Variants in ST3GAL4 observed in about 807,000 individuals in gnomAD.
ST3GAL4 encodes ST3 beta-galactoside alpha-2,3-sialyltransferase 4.
ST3GAL4 carries 24 observed loss-of-function variants against 42.6 expected under a neutral mutation model. That is an observed-to-expected ratio of 0.56 (90% CI 0.41 to 0.79). ST3GAL4 has a LOEUF of 0.79. Among genes scored for constraint, ST3GAL4 ranks in the 30% least tolerant of loss-of-function variants. ST3GAL4 has a pLI of 0.00. For missense variants in ST3GAL4, 311 were observed against 430.8 expected (o/e 0.72, Z 2.46); for synonymous variants, 135 against 163.2 (o/e 0.83, Z 1.32).
chr11:126,366,297 G>A lies in ST3GAL4; in HGVS notation c.-61+10455G>A, dbSNP rs1474935444. ...CAGCCCTGAGGAATGGAGGAAGAGA[G>A]TGCCCTGGCTGGGGGAGCCCCTCAA... On this transcript the variant is annotated intron_variant, in intron 1 of 10. Transcript: ENST00000444328. This position sits in a 1 kb window ranked among gnomAD's most constrained non-coding sequence, Gnocchi z 4.2. Among the ~76,000 whole-genome samples the A allele has an allele frequency of 6.6e-6, 1 of 152,176 alleles. No homozygotes were observed. The highest frequency in any genetic ancestry group is 1.5e-5 in the Non-Finnish European group (1 of 68,024).
At chr11:126,361,041 G>A (rs1041258229) in intron 1 of ST3GAL4, among the ~76,000 whole-genome samples, 1 of 152,184 alleles carries the variant, frequency 6.6e-6, no homozygotes, top group Admixed American at 6.5e-5. Flanking sequence ...CCTGAGGAGT[G>A]CATGCCCCAT....
In ST3GAL4 at chr11:126,366,199, G is replaced by C. The variant is rs560021007; in HGVS notation, c.-61+10357G>C. Reference sequence around the variant, plus strand: ...ACAAAGTCTATACGAGCCAGAGCTGGGGTGGGAGGAACCCAGTGGGCCTGG... The same window carrying C: ...ACAAAGTCTATACGAGCCAGAGCTGCGGTGGGAGGAACCCAGTGGGCCTGG... On this transcript the variant is annotated intron_variant, in intron 1 of 10. Transcript: ENST00000444328. This position sits in a 1 kb window ranked among gnomAD's most constrained non-coding sequence, Gnocchi z 4.2. 2.0e-5 allele frequency among the ~76,000 whole-genome samples: 3 copies of C among 152,214 alleles called. No individual in the cohort carries two copies. The highest frequency in any genetic ancestry group is 4.4e-5 in the Non-Finnish European group (3 of 68,044).
At chr11:126,374,343 T>C (rs947735777) in intron 1 of ST3GAL4, among the ~76,000 whole-genome samples, 1 of 151,178 alleles carries the variant, frequency 6.6e-6, no homozygotes, top group African/African-American at 2.4e-5. Flanking sequence ...TCCCAGCTAC[T>C]TGGGAGGCTG....
chr11:126,412,645 C>T (rs1954581626), intron 9 of ST3GAL4, among the ~76,000 whole-genome samples: 1 of 152,164 alleles, frequency 6.6e-6, no homozygotes. Flanking sequence ...AGTTCGAGAT[C>T]AGCCTGGGCA....
intron 1 of ST3GAL4, among the ~76,000 whole-genome samples, chr11:126,389,809 A>G (rs1953403592): frequency 1.3e-5 from 2 of 151,746 alleles, no homozygotes; most frequent in African/African-American, 4.8e-5. Flanking sequence ...CTGGTCTCAA[A>G]CTCTTGGGCT....
In ST3GAL4 at chr11:126,371,309, C is replaced by T. The variant is rs183150259; in HGVS notation, c.-61+15467C>T. On this transcript the variant is annotated intron_variant, in intron 1 of 10. Coordinates refer to ENST00000444328, the MANE Select transcript of ST3GAL4 (RefSeq NM_001254757.2). ...CCTCCTGAATAGCTGGGATTACAGA[C>T]GCACGCCATCACGCCTGTCTAATTT... 3.7e-3 allele frequency among the ~76,000 whole-genome samples: 560 copies of T among 151,732 alleles called. 6 individuals are homozygous for T. The highest frequency in any genetic ancestry group is 0.012 in the African/African-American group (507 of 41,368).
rs1440556136 is a variant in ST3GAL4, at chr11:126,361,529, A to G, written c.-61+5687A>G. Among the ~76,000 whole-genome samples, 3 of 151,966 alleles carry G rather than the reference A, an allele frequency of 2.0e-5. No individual in the cohort carries two copies. In the East Asian group the frequency reaches 5.8e-4, roughly 29 times the overall value. On this transcript the variant is annotated intron_variant, in intron 1 of 10. Transcript: ENST00000444328. ...TGGTAATGACCTTGCTAGACTGCAAATGTCCTTCAGTATCAACTGAAGCCC... is the reference window on the plus strand; with the variant it reads ...TGGTAATGACCTTGCTAGACTGCAAGTGTCCTTCAGTATCAACTGAAGCCC...
chr11:126,409,454 G>T lies in ST3GAL4; in HGVS notation c.771+43G>T, dbSNP rs1954420942. 2.5e-6 allele frequency: 4 copies of T among 1,613,338 alleles called. No homozygotes were observed. Among genetic ancestry groups the T allele is most frequent in the Non-Finnish European group, 3.4e-6 (4 of 1,179,430 alleles). ...GGCCTGAGGGCTAGGATCCTGGGCG[G>T]GAAGTAGGAGGGATGATCCTATGGG... On this transcript the variant is annotated intron_variant, in intron 9 of 10. Transcript: ENST00000444328. The surrounding 1 kb of genome is among the most constrained non-coding windows in gnomAD (Gnocchi z 4.9).
chr11:126,360,148 G>C (rs920064001), intron 1 of ST3GAL4, among the ~76,000 whole-genome samples: 4 of 152,236 alleles, frequency 2.6e-5, no homozygotes, highest in Non-Finnish European at 5.9e-5. Context: ...CTGTCTCTTA[G>C]AGGTTGCTCA....
intron 1 of ST3GAL4, among the ~76,000 whole-genome samples, chr11:126,404,652 T>C (rs995979814): frequency 2.6e-5 from 4 of 152,224 alleles, no homozygotes; most frequent in African/African-American, 9.6e-5. Flanking sequence ...TACCTTTAAC[T>C]GGGGACTCCT....
rs912710015 is a variant in ST3GAL4 at position 126,392,549 on chromosome 11, C to T, written c.-60-13547C>T. Among the ~76,000 whole-genome samples the T allele has an allele frequency of 6.6e-6, 1 of 152,212 alleles. No individual in the cohort carries two copies. The highest frequency in any genetic ancestry group is 2.4e-5 in the African/African-American group (1 of 41,446). On this transcript the variant is annotated intron_variant, in intron 1 of 10. Transcript: ENST00000444328. This position sits in a 1 kb window ranked among gnomAD's most constrained non-coding sequence, Gnocchi z 5.8. ...GATGCCCAGGTCTTTTCAGAATAAG[C>T]CTGGCTTGTTTTAACTTGATGCAAC...
In ST3GAL4 at chr11:126,373,484, C is replaced by T. The variant is rs1204808326; in HGVS notation, c.-61+17642C>T. On this transcript the variant is annotated intron_variant, in intron 1 of 10. Transcript: ENST00000444328. This position sits in a 1 kb window ranked among gnomAD's most constrained non-coding sequence, Gnocchi z 5.5. ...ACCCTCAGAATGGAATTCAAAGCCTCTGCCCCTCCCAGGCAGACACCAAGG... is the reference window on the plus strand; with the variant it reads ...ACCCTCAGAATGGAATTCAAAGCCTTTGCCCCTCCCAGGCAGACACCAAGG... Among the ~76,000 whole-genome samples, 3 of 152,316 alleles carry T rather than the reference C, an allele frequency of 2.0e-5. No homozygotes were observed. The highest frequency in any genetic ancestry group is 3.4e-3 in the Middle Eastern group (1 of 294).
intron 1 of ST3GAL4, among the ~76,000 whole-genome samples, chr11:126,364,053 C>G (rs1952344787): frequency 6.6e-6 from 1 of 152,236 alleles, no homozygotes; most frequent in South Asian, 2.1e-4. Flanking sequence ...GGCCCTGGGG[C>G]AAGTGTTTGT....
At chr11:126,370,813 A>G (rs1260788883) in intron 1 of ST3GAL4, among the ~76,000 whole-genome samples, 2 of 151,770 alleles carry the variant, frequency 1.3e-5, no homozygotes, top group Non-Finnish European at 2.9e-5. Flanking sequence ...ATTTGCTGGG[A>G]CTACAGACAT....
rs1454519922 is a variant in ST3GAL4 at position 126,383,909 on chromosome 11, G to A, written c.-60-22187G>A. Among the ~76,000 whole-genome samples the A allele has an allele frequency of 6.6e-6, 1 of 152,140 alleles. No homozygotes were observed. The highest frequency in any genetic ancestry group is 1.5e-5 in the Non-Finnish European group (1 of 68,022). On this transcript the variant is annotated intron_variant, in intron 1 of 10. Coordinates refer to ENST00000444328, the MANE Select transcript of ST3GAL4 (RefSeq NM_001254757.2). This position sits in a 1 kb window ranked among gnomAD's most constrained non-coding sequence, Gnocchi z 4.5. ...TCCTGCGGGGGACAAACTGGAGAGG[G>A]ACTCTCTTGCCGCCTTCTCTGTTCC...
intron 1 of ST3GAL4, among the ~76,000 whole-genome samples, chr11:126,360,396 A>G (rs767688748): frequency 6.6e-6 from 1 of 152,158 alleles, no homozygotes. Flanking sequence ...GGGTTTTGCC[A>G]TGTTGCCCAG....
Position 126,384,680 on chromosome 11 carries a change from A to G in ST3GAL4, c.-60-21416A>G, listed in dbSNP as rs1174048032. ...CAGACAGATGGAGAGCCACCTCCCTAGGGGCCTCCTCCCCCTCCCCTTCTG... is the reference window on the plus strand; with the variant it reads ...CAGACAGATGGAGAGCCACCTCCCTGGGGGCCTCCTCCCCCTCCCCTTCTG... On this transcript the variant is annotated intron_variant, in intron 1 of 10. Transcript: ENST00000444328. This position sits in a 1 kb window ranked among gnomAD's most constrained non-coding sequence, Gnocchi z 5.5. The G allele has an allele frequency of 7.1e-6, 7 of 985,210 alleles. No homozygotes were observed. The highest frequency in any genetic ancestry group is 8.4e-6 in the Non-Finnish European group (7 of 829,872). The allele number at this position is 985,210 out of a possible 1,614,324, so 61.0% of individuals were successfully genotyped here. A position where few individuals can be genotyped will look rare whatever the true frequency, so the allele number is the denominator to read the frequency against.
chr11:126,381,671 T>G (rs1256472603), intron 1 of ST3GAL4, among the ~76,000 whole-genome samples: 1 of 148,840 alleles, frequency 6.7e-6, no homozygotes, highest in East Asian at 2.0e-4. Context: ...ATGCTTTGTC[T>G]TCTTTTCTTT....
chr11:126,365,413 TG>T (rs1057191786), intron 1 of ST3GAL4, among the ~76,000 whole-genome samples: 8 of 152,158 alleles, frequency 5.3e-5, no homozygotes, highest in Non-Finnish European at 1.0e-4. Context: ...TCACAGATGA[TG>T]GAGAAGCCAG....
Sources: gnomAD v4.1 joint callset for allele counts (sites outside exome capture counted in the v4.1 genomes callset) on GRCh38, gnomAD v4.1.1 for gene constraint, Gnocchi (gnomAD v3.1) non-coding constraint, MANE v1.5 for transcripts, NCBI Gene and HGNC (gene_info 2026-07-23, HGNC 2026-07-21) for gene names.